Variants in DISC1 observed in about 807,000 individuals in gnomAD.
DISC1 encodes the protein DISC1 scaffold protein.
A neutral mutation model predicts 84.5 loss-of-function variants in DISC1; 57 were observed. The ratio of observed to expected loss-of-function variants is 0.67; its 90% CI spans 0.55 to 0.84. DISC1 has a LOEUF of 0.84. Ranked by LOEUF, DISC1 falls within the 40% of genes least tolerant of loss-of-function variation. DISC1 has a pLI of 0.00. For synonymous variants in DISC1, 411 were observed against 415.2 expected, an observed-to-expected ratio of 0.99 and a Z score of 0.12; for missense variants, 1,000 against 1,057.8, an observed-to-expected ratio of 0.95 and a Z score of 0.76.
intron 9 of DISC1, among the ~76,000 whole-genome samples, chr1:231,930,330 C>T (rs1025473607): frequency 6.6e-6 from 1 of 152,094 alleles, no homozygotes; most frequent in African/African-American, 2.4e-5. Flanking sequence ...GGGCTTCTGC[C>T]TCAGAGTTCT....
chr1:231,662,526 A>C (rs970341384), intron 1 of DISC1, among the ~76,000 whole-genome samples: 12 of 151,818 alleles, frequency 7.9e-5, no homozygotes, highest in African/African-American at 2.7e-4. Flanking sequence ...CAATCTGGCC[A>C]CAGTGTGGCA....
In DISC1 at chr1:231,958,824, C is replaced by G. The variant is rs750915635; in HGVS notation, c.1982-4C>G. ...TAACTTTGGATTTCCTTTTTTTCCC[C>G]CAGAAACAAGTGTGAAGGAAAATAC... On this transcript the variant is annotated splice_polypyrimidine_tract_variant and splice_region_variant and intron_variant, in intron 9 of 12. Transcript: ENST00000439617. 3 of 1,612,752 alleles carry G rather than the reference C, an allele frequency of 1.9e-6. No homozygotes were observed. The highest frequency in any genetic ancestry group is 1.6e-4 in the Middle Eastern group (1 of 6,076).
In DISC1 at chr1:231,698,435, C is replaced by G. The variant is rs200288650; in HGVS notation, c.1048-3520C>G. ...AGGAGGGGAAGTGGAGTGGGCCCTGCAAGGTAGGCTCCACCTAAGGCCATG... is the reference window on the plus strand; with the variant it reads ...AGGAGGGGAAGTGGAGTGGGCCCTGGAAGGTAGGCTCCACCTAAGGCCATG... On this transcript the variant is annotated intron_variant, in intron 2 of 12. Coordinates refer to ENST00000439617, the MANE Select transcript of DISC1 (RefSeq NM_018662.3). This position sits in a 1 kb window ranked among gnomAD's most constrained non-coding sequence, Gnocchi z 4.9. 1.3e-5 allele frequency among the ~76,000 whole-genome samples: 2 copies of G among 152,108 alleles called. No homozygotes were observed. Among genetic ancestry groups the G allele is most frequent in the Non-Finnish European group, 2.9e-5 (2 of 68,016 alleles).
At chr1:232,021,333 T>TACACACACACACACAC (rs36231584) in intron 11 of DISC1, among the ~76,000 whole-genome samples, 3 of 148,132 alleles carry the variant, frequency 2.0e-5, no homozygotes, top group Non-Finnish European at 4.5e-5. Context: ...ACTTGTTCTA[T>TACACACACACACACAC]ACACACACAC....
chr1:231,727,859 G>A lies in DISC1; in HGVS notation c.1118-22067G>A, dbSNP rs529970986. On this transcript the variant is annotated intron_variant, in intron 3 of 12. Coordinates refer to ENST00000439617, the MANE Select transcript of DISC1 (RefSeq NM_018662.3). ...CTCAGTGCTTTGGGAGGCTGAGGTCGGAGGATCGCTTGAGCCCAGGAGTTC... is the reference window on the plus strand; with the variant it reads ...CTCAGTGCTTTGGGAGGCTGAGGTCAGAGGATCGCTTGAGCCCAGGAGTTC... Among the ~76,000 whole-genome samples, 9 of 151,920 alleles carry A rather than the reference G, an allele frequency of 5.9e-5. No homozygotes were observed. In the East Asian group the frequency reaches 1.2e-3, roughly 20 times the overall value.
intron 1 of DISC1, among the ~76,000 whole-genome samples, chr1:231,690,727 T>C (rs1185663149): frequency 6.6e-6 from 1 of 152,208 alleles, no homozygotes; most frequent in African/African-American, 2.4e-5. Context: ...TGGGAGTTTT[T>C]CCTACAGATT....
intron 10 of DISC1, among the ~76,000 whole-genome samples, chr1:231,972,980 G>T (rs1368710885): frequency 1.3e-5 from 2 of 151,786 alleles, no homozygotes; most frequent in African/African-American, 4.8e-5. Flanking sequence ...CGCCTCATTT[G>T]ATGGATTCCA....
At chr1:231,872,060 T>G (rs952390199) in intron 9 of DISC1, among the ~76,000 whole-genome samples, 1 of 152,188 alleles carries the variant, frequency 6.6e-6, no homozygotes, top group Non-Finnish European at 1.5e-5. Context: ...GACAGTTCTG[T>G]GGGCAGTGGC....
intron 9 of DISC1, among the ~76,000 whole-genome samples, chr1:231,906,788 C>T (rs1292293206): frequency 6.6e-6 from 1 of 151,368 alleles, no homozygotes; most frequent in Non-Finnish European, 1.5e-5. Context: ...AAAACAGGAG[C>T]TGCGTACGTA....
chr1:231,771,227 C>T (rs181281204), intron 6 of DISC1, 157 bp downstream of exon 6: 10 of 1,448,032 alleles, frequency 6.9e-6, no homozygotes, highest in East Asian at 5.0e-5. Context: ...AAATTCTTCA[C>T]GGTGTGGGGC....
intron 7 of DISC1, 42 bp from the exon 8 acceptor site, chr1:231,800,066 A>G: frequency 6.6e-7 from 1 of 1,507,174 alleles, no homozygotes; most frequent in Non-Finnish European, 9.2e-7. Flanking sequence ...TCTGATTTTT[A>G]GCTGAATAAA....
chr1:232,000,454 G>A (rs1315543618), intron 10 of DISC1, among the ~76,000 whole-genome samples: 1 of 152,094 alleles, frequency 6.6e-6, no homozygotes, highest in Non-Finnish European at 1.5e-5. Context: ...GGCTCTGTGG[G>A]ACATAGCAAA....
At chr1:231,990,707 C>A (rs1040898321) in intron 10 of DISC1, among the ~76,000 whole-genome samples, 4 of 152,138 alleles carry the variant, frequency 2.6e-5, no homozygotes, top group African/African-American at 9.7e-5. Context: ...TGGGTTTGGG[C>A]ACTGGAAATG....
chr1:231,773,297 T>C (rs2076694385), intron 6 of DISC1, among the ~76,000 whole-genome samples: 1 of 152,230 alleles, frequency 6.6e-6, no homozygotes, highest in African/African-American at 2.4e-5. Flanking sequence ...CTGGTTTGCC[T>C]TTTAATCAGG....
intron 9 of DISC1, among the ~76,000 whole-genome samples, chr1:231,891,974 G>A (rs893515662): frequency 1.3e-5 from 2 of 152,118 alleles, no homozygotes; most frequent in African/African-American, 4.8e-5. Flanking sequence ...CCGATCAGGT[G>A]AATTGTTTGA....
chr1:231,971,847 C>G (rs1228080129), intron 10 of DISC1, among the ~76,000 whole-genome samples: 9 of 152,144 alleles, frequency 5.9e-5, no homozygotes, highest in African/African-American at 9.7e-5. Flanking sequence ...AAAGCAGGGA[C>G]TTTCAGTTGT....
intron 4 of DISC1, among the ~76,000 whole-genome samples, chr1:231,753,787 C>T (rs1373236760): frequency 2.0e-5 from 3 of 152,162 alleles, no homozygotes; most frequent in Admixed American, 6.5e-5. Context: ...TTTGCTCATG[C>T]ATATGAGAAT....
chr1:231,652,535 A>G (rs1480836024), intron 1 of DISC1, among the ~76,000 whole-genome samples: 4 of 152,210 alleles, frequency 2.6e-5, no homozygotes, highest in African/African-American at 7.2e-5. Flanking sequence ...ATTTAAAAAC[A>G]TAGGCATTGT....
chr1:231,912,655 C>A (rs1018896923), intron 9 of DISC1, among the ~76,000 whole-genome samples: 3 of 152,216 alleles, frequency 2.0e-5, no homozygotes, highest in Non-Finnish European at 4.4e-5. Context: ...GGCAGTCTGT[C>A]TGTTCTCAGA....
Sources: gnomAD v4.1 joint callset for allele counts (sites outside exome capture counted in the v4.1 genomes callset) on GRCh38, gnomAD v4.1.1 for gene constraint, Gnocchi (gnomAD v3.1) non-coding constraint, MANE v1.5 for transcripts, NCBI Gene and HGNC (gene_info 2026-07-23, HGNC 2026-07-21) for gene names.